CTNND2: variants seen among roughly 807,000 people sequenced by gnomAD.
CTNND2 encodes catenin delta 2.
Under a neutral mutation model 144.4 loss-of-function variants are expected in CTNND2, and 22 were observed. The ratio of observed to expected loss-of-function variants is 0.15; its 90% CI spans 0.11 to 0.22. The LOEUF (loss-of-function observed/expected upper bound fraction) is 0.22. CTNND2 is among the 10% of genes least tolerant of loss of function. The pLI is 1.00. For synonymous variants in CTNND2, 751 were observed against 695.6 expected, an observed-to-expected ratio of 1.08 and a Z score of -1.25; for missense variants, 1,353 against 1,618.8, an observed-to-expected ratio of 0.84 and a Z score of 2.82.
chr5:11,384,096 T>G lies in CTNND2; in HGVS notation c.1177+569A>C, dbSNP rs980571296. ...CCAATGACAGGTATGGGAGAGTCCT[T>G]TAGTTTTCCCAATAACTAATTTAGC... On this transcript the variant is annotated intron_variant, in intron 7 of 21. Coordinates refer to ENST00000304623, the MANE Select transcript of CTNND2 (RefSeq NM_001332.4). The surrounding 1 kb of genome is among the most constrained non-coding windows in gnomAD (Gnocchi z 5.2). Among the ~76,000 whole-genome samples the G allele has an allele frequency of 6.6e-6, 1 of 152,216 alleles. No homozygotes were observed. Among genetic ancestry groups the G allele is most frequent in the African/African-American group, 2.4e-5 (1 of 41,440 alleles).
At chr5:11,325,848 C>G (rs951373265) in intron 9 of CTNND2, among the ~76,000 whole-genome samples, 1 of 146,946 alleles carries the variant, frequency 6.8e-6, no homozygotes, top group Non-Finnish European at 1.6e-5. Context: ...GGCCAGCATT[C>G]CTTCAACATA....
At chr5:11,512,182 T>C (rs1273736338) in intron 3 of CTNND2, among the ~76,000 whole-genome samples, 1 of 152,228 alleles carries the variant, frequency 6.6e-6, no homozygotes, top group Non-Finnish European at 1.5e-5. Flanking sequence ...TTTAATGCTC[T>C]GCTGTTGCCA....
At chr5:11,263,703 C>G (rs920929822) in intron 9 of CTNND2, among the ~76,000 whole-genome samples, 3 of 152,178 alleles carry the variant, frequency 2.0e-5, no homozygotes, top group Non-Finnish European at 4.4e-5. Context: ...CATGCCTTTA[C>G]AGTTACTGTG....
At chr5:11,694,162 G>A (rs749288323) in intron 2 of CTNND2, among the ~76,000 whole-genome samples, 6 of 152,096 alleles carry the variant, frequency 3.9e-5, no homozygotes, top group Non-Finnish European at 7.4e-5. Flanking sequence ...TGGGCCAGGC[G>A]CGGTGGCTCA....
At chr5:11,104,776 T>C (rs140628806) in intron 14 of CTNND2, among the ~76,000 whole-genome samples, 20 of 152,298 alleles carry the variant, frequency 1.3e-4, no homozygotes, top group Non-Finnish European at 2.9e-4. Context: ...TAGCTGTATT[T>C]ATGTGGCACT....
intron 2 of CTNND2, among the ~76,000 whole-genome samples, chr5:11,570,593 A>G (rs1260248963): frequency 6.6e-6 from 1 of 151,826 alleles, no homozygotes; most frequent in East Asian, 1.9e-4. Flanking sequence ...TCTACTCTCC[A>G]ATGTTGCTGT....
intron 9 of CTNND2, among the ~76,000 whole-genome samples, chr5:11,271,223 T>C (rs892539162): frequency 6.6e-6 from 1 of 152,210 alleles, no homozygotes; most frequent in African/African-American, 2.4e-5. Context: ...ACACTGTTCA[T>C]GACCAATAAA....
intron 15 of CTNND2, among the ~76,000 whole-genome samples, chr5:11,093,736 T>TA (rs1401878730): frequency 1.3e-5 from 2 of 152,238 alleles, no homozygotes; most frequent in Admixed American, 1.3e-4. Context: ...ACAGTTGCTA[T>TA]AAAAATGCAT....
intron 16 of CTNND2, among the ~76,000 whole-genome samples, chr5:11,073,778 A>C (rs1379966559): frequency 1.3e-5 from 2 of 152,204 alleles, no homozygotes; most frequent in Non-Finnish European, 2.9e-5. Flanking sequence ...AGTTCCAGCC[A>C]AGGTACAGAG....
chr5:11,877,863 A>C (rs1167654151), intron 1 of CTNND2, among the ~76,000 whole-genome samples: 2 of 152,154 alleles, frequency 1.3e-5, no homozygotes, highest in Non-Finnish European at 2.9e-5. Context: ...GAGAGGAAAA[A>C]TACAATTTCA....
chr5:11,150,044 T>A (rs2149750790), intron 12 of CTNND2, among the ~76,000 whole-genome samples: 1 of 152,266 alleles, frequency 6.6e-6, no homozygotes, highest in African/African-American at 2.4e-5. Flanking sequence ...ACAATGAAGA[T>A]CCCATCCCAG....
chr5:11,065,825 T>C (rs925732933), intron 16 of CTNND2, among the ~76,000 whole-genome samples: 4 of 152,180 alleles, frequency 2.6e-5, no homozygotes, highest in African/African-American at 9.7e-5. Flanking sequence ...TTTGAAATGG[T>C]CCTGCAGAGC....
At chr5:11,100,837 C>T (rs1009845969) in intron 14 of CTNND2, among the ~76,000 whole-genome samples, 8 of 152,078 alleles carry the variant, frequency 5.3e-5, no homozygotes, top group Admixed American at 3.3e-4. Flanking sequence ...TTTGCATGCT[C>T]GTTACAAAAA....
rs952594790 is a variant in CTNND2 at position 11,338,803 on chromosome 5, T to C, written c.1628+7569A>G. On this transcript the variant is annotated intron_variant, in intron 9 of 21. Transcript: ENST00000304623. ...GTGTGAACATTACTTTCTTTTAAACTGATAAAAGAACTCTTGAAAAGGAAG... is the reference window on the plus strand; with the variant it reads ...GTGTGAACATTACTTTCTTTTAAACCGATAAAAGAACTCTTGAAAAGGAAG... 4.6e-5 allele frequency among the ~76,000 whole-genome samples: 7 copies of C among 152,214 alleles called. No individual in the cohort carries two copies. In the East Asian group the frequency reaches 1.3e-3, roughly 29 times the overall value.
In CTNND2 at chr5:11,642,720, TATA is replaced by T. The variant is rs534966537; in HGVS notation, c.175-77667_175-77665del. Reference sequence around the variant, plus strand: ...AGGGTGACCTTGTGAGGAATTTAATTATAATAAGAAACCAACTGGCATTCAGTC... The same window carrying T: ...AGGGTGACCTTGTGAGGAATTTAATTATAAGAAACCAACTGGCATTCAGTC... On this transcript the variant is annotated intron_variant, in intron 2 of 21. Transcript: ENST00000304623. Among the ~76,000 whole-genome samples, 4 of 152,330 alleles carry T rather than the reference TATA, an allele frequency of 2.6e-5. No individual in the cohort carries two copies. In the East Asian group the frequency reaches 5.8e-4, roughly 22 times the overall value.
chr5:11,448,012 A>C (rs534655640), intron 3 of CTNND2, among the ~76,000 whole-genome samples: 2 of 152,320 alleles, frequency 1.3e-5, no homozygotes, highest in South Asian at 4.1e-4. Flanking sequence ...ACTGGCCCCT[A>C]AATCAAGCCT....
chr5:11,219,947 C>T (rs1003050260), intron 10 of CTNND2, among the ~76,000 whole-genome samples: 16 of 152,170 alleles, frequency 1.1e-4, no homozygotes, highest in African/African-American at 3.9e-4. Context: ...CTTCTCACTC[C>T]ACCTCCCCAA....
At chr5:11,665,382 T>C (rs1783506917) in intron 2 of CTNND2, among the ~76,000 whole-genome samples, 1 of 152,186 alleles carries the variant, frequency 6.6e-6, no homozygotes. Flanking sequence ...TAAGTGGTTC[T>C]GAATAACATC....
chr5:11,530,041 G>A (rs1362303219), intron 3 of CTNND2, among the ~76,000 whole-genome samples: 1 of 149,728 alleles, frequency 6.7e-6, no homozygotes, highest in Admixed American at 6.7e-5. Context: ...CTTAGTTTCC[G>A]AAACCAAAAA....
Sources: gnomAD v4.1 joint callset for allele counts (sites outside exome capture counted in the v4.1 genomes callset) on GRCh38, gnomAD v4.1.1 for gene constraint, Gnocchi (gnomAD v3.1) non-coding constraint, MANE v1.5 for transcripts, NCBI Gene and HGNC (gene_info 2026-07-23, HGNC 2026-07-21) for gene names.